Variants in STXBP5L observed in about 807,000 individuals in gnomAD.
STXBP5L encodes syntaxin-binding protein 5-like.
A neutral mutation model predicts 144.5 loss-of-function variants in STXBP5L; 65 were observed. The ratio of observed to expected loss-of-function variants is 0.45; its 90% CI spans 0.37 to 0.55. The LOEUF is 0.55. STXBP5L is among the 20% of genes least tolerant of loss of function. STXBP5L has a pLI of 0.00. For synonymous variants in STXBP5L, 505 were observed against 469.6 expected (o/e 1.08, Z -0.97); for missense variants, 1,298 against 1,405.5 (o/e 0.92, Z 1.22).
At chr3:121,341,399 T>G (rs1037649810) in intron 20 of STXBP5L, among the ~76,000 whole-genome samples, 1 of 152,008 alleles carries the variant, frequency 6.6e-6, no homozygotes, top group East Asian at 1.9e-4. Flanking sequence ...CAAGGATGTG[T>G]AGAAAAGCAC....
At chr3:120,966,638 A>G (rs191004131) in intron 3 of STXBP5L, among the ~76,000 whole-genome samples, 21 of 152,274 alleles carry the variant, frequency 1.4e-4, no homozygotes, top group African/African-American at 4.8e-4. Flanking sequence ...ATATTGCAGA[A>G]CAGCAAATAT....
At chr3:121,151,699 C>G (rs1294066757) in intron 7 of STXBP5L, among the ~76,000 whole-genome samples, 1 of 151,972 alleles carries the variant, frequency 6.6e-6, no homozygotes, top group Non-Finnish European at 1.5e-5. Context: ...TTAACATTGG[C>G]TATTTTTATC....
At position 121,059,959 on chromosome 3, in the gene STXBP5L, A is replaced by G. The variant is rs542082492; in HGVS notation, c.470+14424A>G. On this transcript the variant is annotated intron_variant, in intron 5 of 26. Transcript: ENST00000471454. ...TCCTCTCTTCCTATTTGAATACCCT[A>G]TATTTCTTTTGCTTGCCTGATTGCC... is the stretch of plus-strand genomic sequence containing the variant. Among the ~76,000 whole-genome samples the G allele has an allele frequency of 2.0e-5, 3 of 152,118 alleles. No homozygotes were observed. In the East Asian group the frequency reaches 5.8e-4, roughly 29 times the overall value.
At chr3:121,004,533 A>T (rs1944094404) in intron 3 of STXBP5L, among the ~76,000 whole-genome samples, 1 of 151,650 alleles carries the variant, frequency 6.6e-6, no homozygotes, top group Non-Finnish European at 1.5e-5. Flanking sequence ...CTAATTGAAT[A>T]CCCTTTATTT....
intron 22 of STXBP5L, among the ~76,000 whole-genome samples, chr3:121,384,271 G>C (rs2046378330): frequency 6.6e-6 from 1 of 152,142 alleles, no homozygotes; most frequent in African/African-American, 2.4e-5. Context: ...TACCATGGCA[G>C]CATGGCAGGG....
intron 20 of STXBP5L, among the ~76,000 whole-genome samples, chr3:121,375,198 C>A (rs1211895705): frequency 6.6e-6 from 1 of 152,050 alleles, no homozygotes; most frequent in Non-Finnish European, 1.5e-5. Flanking sequence ...CTTAATGAAA[C>A]AATAACTGAA....
At chr3:121,235,613 T>C (rs568787390) in intron 12 of STXBP5L, among the ~76,000 whole-genome samples, 2 of 152,258 alleles carry the variant, frequency 1.3e-5, no homozygotes, top group East Asian at 3.9e-4. Context: ...TCTAACTCTG[T>C]AATCTTAGAA....
chr3:121,221,087 A>T (rs2048959042), intron 10 of STXBP5L, among the ~76,000 whole-genome samples: 1 of 151,568 alleles, frequency 6.6e-6, no homozygotes, highest in Non-Finnish European at 1.5e-5. Flanking sequence ...CATTAATAAA[A>T]TGAGGACATT....
intron 23 of STXBP5L, among the ~76,000 whole-genome samples, chr3:121,411,959 G>A (rs1425200697): frequency 6.6e-6 from 1 of 152,152 alleles, no homozygotes; most frequent in Non-Finnish European, 1.5e-5. Flanking sequence ...TACAAAAAGT[G>A]CCCCTGAAAT....
At chr3:120,949,082 T>A (rs1483094203) in intron 2 of STXBP5L, among the ~76,000 whole-genome samples, 2 of 151,848 alleles carry the variant, frequency 1.3e-5, no homozygotes, top group Non-Finnish European at 2.9e-5. Flanking sequence ...TATTTTTTGA[T>A]TTTTAAATTA....
chr3:121,091,551 G>A (rs2042796824), intron 5 of STXBP5L, among the ~76,000 whole-genome samples: 1 of 152,118 alleles, frequency 6.6e-6, no homozygotes, highest in Non-Finnish European at 1.5e-5. Context: ...ATTTTTTCAT[G>A]TGTTTTTTGG....
chr3:121,071,149 G>A (rs951841261), intron 5 of STXBP5L, among the ~76,000 whole-genome samples: 12 of 152,110 alleles, frequency 7.9e-5, no homozygotes, highest in Non-Finnish European at 1.8e-4. Flanking sequence ...AAGTGTCGGT[G>A]GCTTTAGTAT....
At chr3:121,101,589 G>C (rs1576960065) in intron 5 of STXBP5L, among the ~76,000 whole-genome samples, 2 of 151,906 alleles carry the variant, frequency 1.3e-5, no homozygotes, top group South Asian at 4.2e-4. Context: ...ACCATAGAAT[G>C]GTAAGAGCTA....
Position 121,423,646 on chromosome 3 carries a change from CATTTGGAG to C in STXBP5L, c.*4550_*4557del, listed in dbSNP as rs548392597. 73 of 152,308 alleles carry C rather than the reference CATTTGGAG, an allele frequency of 4.8e-4. No homozygotes were observed. Among genetic ancestry groups the C allele is most frequent in the African/African-American group, 1.7e-3 (72 of 41,572 alleles). The allele number at this position is 152,308 out of a possible 1,614,324, so 9.4% of individuals were successfully genotyped here. A position where few individuals can be genotyped will look rare whatever the true frequency, so the allele number is the denominator to read the frequency against. On this transcript the variant is annotated 3_prime_UTR_variant, in exon 27 of 27. Coordinates refer to ENST00000471454, the MANE Select transcript of STXBP5L (RefSeq NM_001308330.2). The stretch of plus-strand genomic sequence containing the variant: ...TTTAAATTCCCAATTATATTAAAAT[CATTTGGAG>C]TGGGAACCAGACACCAATATTTGCG...
chr3:121,104,626 A>G (rs978591967), intron 5 of STXBP5L, among the ~76,000 whole-genome samples: 1 of 152,182 alleles, frequency 6.6e-6, no homozygotes, highest in African/African-American at 2.4e-5. Context: ...TTGACAAACC[A>G]AACAAAAACA....
intron 5 of STXBP5L, among the ~76,000 whole-genome samples, chr3:121,091,775 T>C (rs1373814458): frequency 6.6e-6 from 1 of 152,202 alleles, no homozygotes; most frequent in Non-Finnish European, 1.5e-5. Context: ...AGCTCTTTAG[T>C]TTAATTAGAT....
At chr3:121,347,939 T>C (rs1408666646) in intron 20 of STXBP5L, among the ~76,000 whole-genome samples, 2 of 152,220 alleles carry the variant, frequency 1.3e-5, no homozygotes, top group Admixed American at 6.5e-5. Flanking sequence ...CCGAATTGAA[T>C]ACCCTTTATT....
chr3:121,092,254 G>A (rs1277348073), intron 5 of STXBP5L, among the ~76,000 whole-genome samples: 1 of 151,768 alleles, frequency 6.6e-6, no homozygotes. Flanking sequence ...GGCAATGCGG[G>A]CTCTTTCTTG....
chr3:120,947,593 C>T (rs973079644), intron 2 of STXBP5L, among the ~76,000 whole-genome samples: 1 of 151,734 alleles, frequency 6.6e-6, no homozygotes, highest in Non-Finnish European at 1.5e-5. Context: ...CAGAAAGGCA[C>T]GTTGTATTCA....
Sources: allele counts gnomAD v4.1 joint callset (sites outside exome capture counted in the v4.1 genomes callset), GRCh38; gene constraint gnomAD v4.1.1; transcripts MANE v1.5; gene names NCBI Gene and HGNC (gene_info 2026-07-23, HGNC 2026-07-21).